UBE2W: variants seen among roughly 807,000 people sequenced by gnomAD.
The protein encoded by UBE2W is ubiquitin conjugating enzyme E2 W.
UBE2W carries 18 observed loss-of-function variants against 27.2 expected under a neutral mutation model. The ratio of observed to expected loss-of-function variants is 0.66; its 90% CI spans 0.46 to 0.98. UBE2W has a LOEUF of 0.98. UBE2W is among the 50% of genes least tolerant of loss of function. The pLI is 0.00. For missense variants in UBE2W, 90 were observed against 180.2 expected, an observed-to-expected ratio of 0.50 and a Z score of 2.87; for synonymous variants, 53 against 57.2, an observed-to-expected ratio of 0.93 and a Z score of 0.33.
intron 1 of UBE2W, among the ~76,000 whole-genome samples, chr8:73,848,466 C>A (rs769671117): frequency 6.6e-6 from 1 of 152,050 alleles, no homozygotes; most frequent in Admixed American, 6.6e-5. Context: ...GTGGGAGGAT[C>A]GCTTTCCAGG....
chr8:73,801,227 CTTAGATGAA>C (rs1457066016), intron 5 of UBE2W, among the ~76,000 whole-genome samples: 1 of 152,176 alleles, frequency 6.6e-6, no homozygotes, highest in Non-Finnish European at 1.5e-5. Context: ...CTGAAGTATT[CTTAGATGAA>C]AGACTTCTCA....
chr8:73,803,837 G>A (rs898261108), intron 5 of UBE2W, among the ~76,000 whole-genome samples: 20 of 149,362 alleles, frequency 1.3e-4, no homozygotes, highest in South Asian at 6.3e-4. Context: ...CGCGATCTCC[G>A]CTCACTATGA....
At chr8:73,817,268 C>T (rs117871959) in intron 3 of UBE2W, among the ~76,000 whole-genome samples, 4,670 of 152,130 alleles carry the variant, frequency 0.031, 76 homozygotes, top group Non-Finnish European at 0.046. Context: ...GCGGAGGTTG[C>T]GATGAGCCAA....
Position 73,810,618 on chromosome 8 carries a change from A to G in UBE2W, c.222T>C (p.Thr74=), listed in dbSNP as rs1809113456. The G allele has an allele frequency of 1.2e-6, 2 of 1,600,956 alleles. No homozygotes were observed. The highest frequency in any genetic ancestry group is 1.1e-5 in the South Asian group (1 of 88,774). The stretch of plus-strand genomic sequence containing the variant: ...GAGGATGAACAGGAATATTTTCACC[A>G]GTAAACATGACCTAAGAGAGAATAA... ...YPFDSPQVMF[T]GENIPVHPHV... Residue 74 remains threonine, a synonymous_variant, in exon 4 of 6, where the codon ACT becomes ACC. Coordinates refer to ENST00000602593, the MANE Select transcript of UBE2W (RefSeq NM_018299.6).
intron 1 of UBE2W, among the ~76,000 whole-genome samples, chr8:73,861,195 T>C (rs996665611): frequency 6.6e-6 from 1 of 152,126 alleles, no homozygotes; most frequent in Non-Finnish European, 1.5e-5. Context: ...TCCTAGCAAG[T>C]AAAGGATACT....
chr8:73,786,592 G>C lies in UBE2W; in HGVS notation c.*7510C>G. 2.0e-6 allele frequency: 2 copies of C among 985,458 alleles called. No individual in the cohort carries two copies. Among genetic ancestry groups the C allele is most frequent in the South Asian group, 9.4e-5 (2 of 21,290 alleles). The allele number at this position is 985,458 out of a possible 1,614,324, so 61.0% of individuals were successfully genotyped here. On this transcript the variant is annotated 3_prime_UTR_variant, in exon 6 of 6. Coordinates refer to ENST00000602593, the MANE Select transcript of UBE2W (RefSeq NM_018299.6). ...ACCTTTGAACTAGACCTTTCAGGTAGAAACGCAGATCATGAACATTCTAGG... is the reference window on the plus strand; with the variant it reads ...ACCTTTGAACTAGACCTTTCAGGTACAAACGCAGATCATGAACATTCTAGG...
intron 1 of UBE2W, among the ~76,000 whole-genome samples, chr8:73,863,449 G>T (rs1358213114): frequency 6.7e-6 from 1 of 149,458 alleles, no homozygotes; most frequent in Non-Finnish European, 1.5e-5. Context: ...GAGGAGGGAG[G>T]GATAGCATTG....
At chr8:73,819,080 G>A (rs999417735) in intron 3 of UBE2W, among the ~76,000 whole-genome samples, 8 of 152,104 alleles carry the variant, frequency 5.3e-5, no homozygotes, top group Non-Finnish European at 8.8e-5. Flanking sequence ...TTTGCATTTT[G>A]TCTTCATCTG....
At chr8:73,870,827 G>GAAAAA (rs60577226) in intron 1 of UBE2W, among the ~76,000 whole-genome samples, 4 of 99,512 alleles carry the variant, frequency 4.0e-5, no homozygotes, top group Admixed American at 2.5e-4. Context: ...TGAGTGAAAA[G>GAAAAA]AAAAAAAAAA....
intron 2 of UBE2W, among the ~76,000 whole-genome samples, chr8:73,828,267 T>C (rs1430511867): frequency 6.6e-6 from 1 of 152,186 alleles, no homozygotes; most frequent in Non-Finnish European, 1.5e-5. Context: ...TATTCCACTC[T>C]GGAGGAAAAA....
At chr8:73,784,014 G>A (rs921834842), downstream of UBE2W, among the ~76,000 whole-genome samples, 4 of 152,120 alleles carry the variant, frequency 2.6e-5, no homozygotes, top group African/African-American at 9.7e-5. Flanking sequence ...GCCTCCCAGA[G>A]TGTTGGGATT....
chr8:73,792,237 G>A lies in UBE2W; in HGVS notation c.*1865C>T. The A allele has an allele frequency of 1.0e-6, 1 of 985,656 alleles. No individual in the cohort carries two copies. Among genetic ancestry groups the A allele is most frequent in the East Asian group, 1.1e-4 (1 of 8,818 alleles). 61.1% of individuals were successfully genotyped at this position (985,656 alleles called of 1,614,324 possible). On this transcript the variant is annotated 3_prime_UTR_variant, in exon 6 of 6. Coordinates refer to ENST00000602593, the MANE Select transcript of UBE2W (RefSeq NM_018299.6). ...ATAAAACTGACAGAGATCATTGTGAGAATTTATCTAGTCAAGATAGAACAA... is the reference window on the plus strand; with the variant it reads ...ATAAAACTGACAGAGATCATTGTGAAAATTTATCTAGTCAAGATAGAACAA...
At chr8:73,835,520 A>T (rs1810272206) in intron 1 of UBE2W, among the ~76,000 whole-genome samples, 1 of 152,152 alleles carries the variant, frequency 6.6e-6, no homozygotes, top group African/African-American at 2.4e-5. Context: ...AGGTGGGTGA[A>T]TCACCTGAGG....
chr8:73,806,877 T>C (rs1023328563), intron 4 of UBE2W, among the ~76,000 whole-genome samples: 1 of 152,190 alleles, frequency 6.6e-6, no homozygotes, highest in African/African-American at 2.4e-5. Context: ...AAAATATATA[T>C]TGGCATTTCT....
intron 2 of UBE2W, among the ~76,000 whole-genome samples, chr8:73,826,439 T>C (rs1379905710): frequency 1.3e-5 from 2 of 152,218 alleles, no homozygotes; most frequent in Admixed American, 6.5e-5. Flanking sequence ...CTTTCTTGTA[T>C]TTAAAATACA....
At chr8:73,869,160 T>A (rs1811894903) in intron 1 of UBE2W, among the ~76,000 whole-genome samples, 1 of 152,190 alleles carries the variant, frequency 6.6e-6, no homozygotes, top group Non-Finnish European at 1.5e-5. Context: ...GCATGGTGGC[T>A]CAGGCCAGTC....
chr8:73,846,792 TAAG>T (rs896227451), intron 1 of UBE2W, among the ~76,000 whole-genome samples: 2 of 152,202 alleles, frequency 1.3e-5, no homozygotes, highest in Admixed American at 1.3e-4. Flanking sequence ...TCGTAGTGTT[TAAG>T]AAGAGTGCAA....
downstream of UBE2W, among the ~76,000 whole-genome samples, chr8:73,783,440 T>C (rs1366319523): frequency 1.3e-5 from 2 of 152,228 alleles, no homozygotes; most frequent in Non-Finnish European, 2.9e-5. Flanking sequence ...CTAATGCCTT[T>C]CGTTCGATGG....
rs562811813 is a variant in UBE2W, at chr8:73,873,575, G to A, written c.15+5233C>T. Among the ~76,000 whole-genome samples, 438 of 152,248 alleles carry A rather than the reference G, an allele frequency of 2.9e-3. 4 individuals are homozygous for A. Among genetic ancestry groups the A allele is most frequent in the Middle Eastern group, 0.01 (3 of 294 alleles). On this transcript the variant is annotated intron_variant, in intron 1 of 5. Coordinates refer to ENST00000602593, the MANE Select transcript of UBE2W (RefSeq NM_018299.6). ...GGAGTCTGAAGTGGGAGGATCACCC[G>A]AGCCTGGGAGGACAAGGGTGCAGTG...
Sources: gnomAD v4.1 joint callset for allele counts (sites outside exome capture counted in the v4.1 genomes callset) on GRCh38, gnomAD v4.1.1 for gene constraint, MANE v1.5 for transcripts, NCBI Gene and HGNC (gene_info 2026-07-23, HGNC 2026-07-21) for gene names.